Variants in KCNH5 observed in about 807,000 individuals in gnomAD.
KCNH5 encodes potassium voltage-gated channel subfamily H member 5.
A neutral mutation model predicts 96.1 loss-of-function variants in KCNH5; 46 were observed. That is an observed-to-expected ratio of 0.48 (90% confidence interval 0.38 to 0.61). KCNH5 has a LOEUF of 0.61. Among genes scored for constraint, KCNH5 ranks in the 20% least tolerant of loss-of-function variants. The pLI, the probability that KCNH5 is intolerant of heterozygous loss-of-function variation, is 0.00. For synonymous variants in KCNH5, 439 were observed against 449.8 expected, an observed-to-expected ratio of 0.98 and a Z score of 0.30; for missense variants, 907 against 1,225.8, an observed-to-expected ratio of 0.74 and a Z score of 3.88.
At chr14:62,742,947 G>A (rs1885301883) in intron 10 of KCNH5, among the ~76,000 whole-genome samples, 1 of 152,154 alleles carries the variant, frequency 6.6e-6, no homozygotes. Flanking sequence ...CACAGCAGTT[G>A]GAAAGCCACT....
At chr14:62,903,901 A>C (rs1373938966) in intron 7 of KCNH5, among the ~76,000 whole-genome samples, 1 of 151,876 alleles carries the variant, frequency 6.6e-6, no homozygotes, top group Non-Finnish European at 1.5e-5. Flanking sequence ...TTATATTATA[A>C]ATCATATTTT....
intron 6 of KCNH5, among the ~76,000 whole-genome samples, chr14:62,955,769 G>A (rs947908504): frequency 8.5e-5 from 13 of 152,126 alleles, no homozygotes; most frequent in Non-Finnish European, 1.5e-5. Flanking sequence ...GGAGGCCCTG[G>A]AACTCTTATA....
chr14:62,926,475 G>C (rs1889478946), intron 7 of KCNH5, among the ~76,000 whole-genome samples: 1 of 152,072 alleles, frequency 6.6e-6, no homozygotes, highest in Admixed American at 6.6e-5. Flanking sequence ...AAAGGAGAAA[G>C]AAAGAAGAGC....
At chr14:62,854,009 A>G (rs1370564396) in intron 7 of KCNH5, among the ~76,000 whole-genome samples, 1 of 142,714 alleles carries the variant, frequency 7.0e-6, no homozygotes, top group Non-Finnish European at 1.5e-5. Flanking sequence ...TCTGTCAAAA[A>G]AAAAAAAAAC....
rs376570579 is a variant in KCNH5, at chr14:62,708,092, G to T, written c.2383C>A (p.Leu795Ile). 6.2e-7 allele frequency: 1 copy of T among 1,614,084 alleles called. No individual in the cohort carries two copies. Among genetic ancestry groups the T allele is most frequent in the African/African-American group, 1.3e-5 (1 of 74,922 alleles). ...KPNGGADQKCLKVNSPIRMKN... is the reference protein window; with the variant it reads ...KPNGGADQKCIKVNSPIRMKN... The stretch of plus-strand genomic sequence containing the variant: ...ATTCTTATTGGGCTGTTGACTTTGA[G>T]ACATTTTTGGTCAGCACCGCCGTTG... Residue 795 changes from leucine to isoleucine, a missense_variant, in exon 11 of 11, where the codon CTC (leucine) becomes ATC (isoleucine). Leu to Ile is a conservative substitution (Grantham distance 5). Transcript: ENST00000322893.
intron 7 of KCNH5, among the ~76,000 whole-genome samples, chr14:62,859,839 G>A (rs997182176): frequency 6.6e-6 from 1 of 152,144 alleles, no homozygotes; most frequent in Non-Finnish European, 1.5e-5. Flanking sequence ...TGTGAATCAG[G>A]CCCTAGTCTT....
chr14:62,848,193 C>T (rs1482733664), intron 8 of KCNH5, among the ~76,000 whole-genome samples: 1 of 152,114 alleles, frequency 6.6e-6, no homozygotes, highest in African/African-American at 2.4e-5. Context: ...TTGACGAGGC[C>T]GGTGGTTGCC....
intron 9 of KCNH5, among the ~76,000 whole-genome samples, chr14:62,780,369 A>G (rs912146196): frequency 6.6e-6 from 1 of 152,244 alleles, no homozygotes. Context: ...TTAAATACAC[A>G]TTATTCAGTA....
chr14:62,874,465 C>A (rs910733567), intron 7 of KCNH5, among the ~76,000 whole-genome samples: 53 of 152,100 alleles, frequency 3.5e-4, no homozygotes, highest in Admixed American at 3.5e-3. Context: ...GTCAAGAAAC[C>A]AGCAGCACAT....
chr14:62,964,352 A>C (rs527777215), intron 6 of KCNH5, among the ~76,000 whole-genome samples: 1 of 152,214 alleles, frequency 6.6e-6, no homozygotes, highest in Admixed American at 6.6e-5. Context: ...TAACAGCGGC[A>C]TTTAGCCCAT....
chr14:62,989,631 G>T (rs1890773775), intron 4 of KCNH5, among the ~76,000 whole-genome samples: 1 of 152,038 alleles, frequency 6.6e-6, no homozygotes, highest in Admixed American at 6.6e-5. Flanking sequence ...ATCATGGGAT[G>T]CATACCTCAC....
intron 1 of KCNH5, among the ~76,000 whole-genome samples, chr14:63,027,361 A>C (rs1891542709): frequency 6.6e-6 from 1 of 151,980 alleles, no homozygotes; most frequent in East Asian, 1.9e-4. Flanking sequence ...CAAAAAATAA[A>C]AGTGACAAGT....
intron 7 of KCNH5, among the ~76,000 whole-genome samples, chr14:62,901,696 C>T (rs1367792463): frequency 6.6e-6 from 1 of 152,098 alleles, no homozygotes; most frequent in Non-Finnish European, 1.5e-5. Context: ...CATGTGAGTG[C>T]ATGTGTCTTT....
chr14:62,853,812 G>A (rs1476005532), intron 7 of KCNH5, among the ~76,000 whole-genome samples: 1 of 151,482 alleles, frequency 6.6e-6, no homozygotes, highest in East Asian at 2.0e-4. Context: ...TTCAATACCA[G>A]CCTCACCAAC....
chr14:62,892,008 C>G (rs1443019184), intron 7 of KCNH5, among the ~76,000 whole-genome samples: 1 of 152,170 alleles, frequency 6.6e-6, no homozygotes, highest in African/African-American at 2.4e-5. Context: ...GTTAATCACT[C>G]TACAATGGTC....
intron 10 of KCNH5, among the ~76,000 whole-genome samples, chr14:62,737,309 G>T (rs1048774365): frequency 2.0e-5 from 3 of 152,164 alleles, no homozygotes; most frequent in African/African-American, 7.2e-5. Context: ...ACATGAAAGT[G>T]CACAAGGCAT....
chr14:62,969,009 A>C (rs1020310869), intron 6 of KCNH5, among the ~76,000 whole-genome samples: 3 of 152,206 alleles, frequency 2.0e-5, no homozygotes, highest in African/African-American at 7.2e-5. Flanking sequence ...TGATTTTCAA[A>C]TTGTTATTAG....
chr14:62,859,114 C>T (rs1158483706), intron 7 of KCNH5, among the ~76,000 whole-genome samples: 1 of 152,124 alleles, frequency 6.6e-6, no homozygotes, highest in Non-Finnish European at 1.5e-5. Context: ...AAACCTATAT[C>T]TGGAGTAAGT....
At chr14:62,898,349 C>T (rs973854120) in intron 7 of KCNH5, among the ~76,000 whole-genome samples, 3 of 152,090 alleles carry the variant, frequency 2.0e-5, no homozygotes. Context: ...GGTAAAGACA[C>T]TCATTAACAT....
Sources: gnomAD v4.1 joint callset for allele counts (sites outside exome capture counted in the v4.1 genomes callset) on GRCh38, gnomAD v4.1.1 for gene constraint, MANE v1.5 for transcripts, NCBI Gene and HGNC (gene_info 2026-07-23, HGNC 2026-07-21) for gene names.